The following EGFLAM variants were observed in gnomAD, a reference collection of about 807,000 sequenced individuals.
EGFLAM encodes the protein pikachurin.
EGFLAM carries 79 observed loss-of-function variants against 113.1 expected under a neutral mutation model. The ratio of observed to expected loss-of-function variants is 0.70; its 90% CI spans 0.58 to 0.84. The LOEUF (loss-of-function observed/expected upper bound fraction) is 0.84. Ranked by LOEUF, EGFLAM falls within the 40% of genes least tolerant of loss-of-function variation. The probability of loss-of-function intolerance (pLI) is 0.00; values close to 1 mark genes in which losing one functional copy is unlikely to be tolerated. For missense variants in EGFLAM, 1,265 were observed against 1,291.6 expected, an observed-to-expected ratio of 0.98 and a Z score of 0.32; for synonymous variants, 504 against 487.6, an observed-to-expected ratio of 1.03 and a Z score of -0.44.
intron 6 of EGFLAM, among the ~76,000 whole-genome samples, chr5:38,404,709 C>T (rs1349264340): frequency 6.6e-6 from 1 of 152,170 alleles, no homozygotes; most frequent in African/African-American, 2.4e-5. Context: ...TGGCAGCATC[C>T]TACCAAAGCC....
chr5:38,301,880 A>C (rs1285715164), intron 1 of EGFLAM, among the ~76,000 whole-genome samples: 1 of 152,140 alleles, frequency 6.6e-6, no homozygotes, highest in Non-Finnish European at 1.5e-5. Context: ...CCTGGTATGA[A>C]GTTGGCATCA....
intron 1 of EGFLAM, among the ~76,000 whole-genome samples, chr5:38,329,793 C>T (rs951050682): frequency 1.1e-4 from 16 of 152,176 alleles, no homozygotes; most frequent in Non-Finnish European, 1.6e-4. Context: ...CACTAAAGTG[C>T]TCCAACTTTC....
chr5:38,461,191 A>T (rs1743259977), intron 20 of EGFLAM: 2 of 152,204 alleles, frequency 1.3e-5, no homozygotes, highest in African/African-American at 4.8e-5. Flanking sequence ...ATCTTAGGTG[A>T]GGATGCTGAA....
rs200029455 is a variant in EGFLAM, at chr5:38,452,002, A to AG, written c.2687+544_2687+545insG. ...GCAAGACTCCATCTCAAAAAAAAAA[A>AG]AAAAAAAAAGAGTACAGCAGTATTC... On this transcript the variant is annotated intron_variant, in intron 19 of 21. Transcript: ENST00000322350. Among the ~76,000 whole-genome samples the AG allele has an allele frequency of 1.5e-3, 221 of 151,208 alleles. 6 individuals are homozygous for AG. In the East Asian group the frequency reaches 0.038, roughly 26 times the overall value.
At chr5:38,426,358 G>A (rs1742009770) in intron 13 of EGFLAM, among the ~76,000 whole-genome samples, 1 of 151,880 alleles carries the variant, frequency 6.6e-6, no homozygotes, top group South Asian at 2.1e-4. Flanking sequence ...AATCATGGAG[G>A]GTTCCAAAAG....
At chr5:38,372,025 C>T (rs539227546) in intron 6 of EGFLAM, among the ~76,000 whole-genome samples, 18 of 152,178 alleles carry the variant, frequency 1.2e-4, no homozygotes, top group Admixed American at 2.6e-4. Context: ...TTCCCTTCTC[C>T]GTAGAGTCAA....
At chr5:38,314,687 A>T (rs573995868) in intron 1 of EGFLAM, among the ~76,000 whole-genome samples, 1 of 152,264 alleles carries the variant, frequency 6.6e-6, no homozygotes, top group Admixed American at 6.5e-5. Flanking sequence ...CGCCCACCCA[A>T]AAGACATGGT....
chr5:38,462,134 A>G (rs1743301566), intron 20 of EGFLAM, among the ~76,000 whole-genome samples: 1 of 152,146 alleles, frequency 6.6e-6, no homozygotes, highest in South Asian at 2.1e-4. Flanking sequence ...GCGCCACTGC[A>G]CTCCAGCCTG....
rs779499958 is a variant in EGFLAM at position 38,418,182 on chromosome 5, G to A, written c.1611G>A (p.Ser537=). The change falls in exon 12 of 22, where the codon TCG becomes TCA. Residue 537 remains serine (S), a synonymous_variant. Coordinates refer to ENST00000322350, the MANE Select transcript of EGFLAM (RefSeq NM_152403.4). ...TNRGFQGCVQ[S]LAVNGRRIDM... ...GAGGCTTTCAAGGCTGTGTGCAGTC[G>A]CTCGCTGTGAATGGGAGGAGAATTG... The A allele has an allele frequency of 4.3e-5, 69 of 1,614,040 alleles. No homozygotes were observed. Among genetic ancestry groups the A allele is most frequent in the South Asian group, 7.7e-5 (7 of 91,084 alleles).
At chr5:38,345,084 C>G (rs1739440900) in intron 3 of EGFLAM, among the ~76,000 whole-genome samples, 1 of 152,126 alleles carries the variant, frequency 6.6e-6, no homozygotes, top group Non-Finnish European at 1.5e-5. Flanking sequence ...CATTTCAGAA[C>G]TAGTTAGTGA....
rs528320485 is a variant in EGFLAM at position 38,445,761 on chromosome 5, C to G, written c.2465-2540C>G. 229 of 1,561,022 alleles carry G rather than the reference C, an allele frequency of 1.5e-4. 1 individual carries two copies. The African/African-American group carries it at 2.9e-3, about 20-fold the overall frequency. ...AGCGCTCTGGGCTGGGGCAGGCCAA[C>G]CGCATGCAGGGGGACCCGGGGTGAG... is the stretch of plus-strand genomic sequence containing the variant. On this transcript the variant is annotated intron_variant, in intron 17 of 21. Transcript: ENST00000322350.
At chr5:38,322,122 T>C (rs1331307085) in intron 1 of EGFLAM, among the ~76,000 whole-genome samples, 1 of 152,154 alleles carries the variant, frequency 6.6e-6, no homozygotes, top group African/African-American at 2.4e-5. Context: ...AGGATGTTCA[T>C]ATGCACACGC....
intron 17 of EGFLAM, among the ~76,000 whole-genome samples, chr5:38,438,831 T>TAACAA (rs1742442728): frequency 6.6e-6 from 1 of 152,208 alleles, no homozygotes; most frequent in Non-Finnish European, 1.5e-5. Context: ...CTATGCTTTG[T>TAACAA]AGACTGATAA....
At chr5:38,403,964 G>C in intron 6 of EGFLAM, 2 of 1,611,404 alleles carry the variant, frequency 1.2e-6, no homozygotes, top group South Asian at 1.1e-5. Context: ...TGGGGAATTG[G>C]TGTGGAAGGG....
chr5:38,388,952 G>C (rs551444176), intron 6 of EGFLAM, among the ~76,000 whole-genome samples: 20 of 150,736 alleles, frequency 1.3e-4, no homozygotes, highest in African/African-American at 4.4e-4. Context: ...ATGCAAATGA[G>C]TTTTTCAGTG....
At chr5:38,278,645 C>T (rs553790432) in intron 1 of EGFLAM, among the ~76,000 whole-genome samples, 2 of 152,170 alleles carry the variant, frequency 1.3e-5, no homozygotes, top group East Asian at 3.9e-4. Context: ...CATACCACCA[C>T]ACCTGGCTAA....
chr5:38,441,172 A>G (rs575028814), intron 17 of EGFLAM, among the ~76,000 whole-genome samples: 2 of 152,316 alleles, frequency 1.3e-5, no homozygotes, highest in South Asian at 4.1e-4. Flanking sequence ...TTCCTGTAGC[A>G]GTGGCCACTG....
intron 5 of EGFLAM, among the ~76,000 whole-genome samples, chr5:38,366,756 A>T (rs116647825): frequency 0.011 from 1,645 of 152,308 alleles, 11 homozygotes; most frequent in Non-Finnish European, 0.017. Flanking sequence ...ATCTTTGAGA[A>T]TCTAATAAAA....
chr5:38,425,515 G>A (rs1299691789), intron 13 of EGFLAM, among the ~76,000 whole-genome samples: 2 of 152,202 alleles, frequency 1.3e-5, no homozygotes, highest in East Asian at 3.9e-4. Flanking sequence ...ACATTTTTAT[G>A]GGATCAACAT....
Sources: gnomAD v4.1 joint callset for allele counts (sites outside exome capture counted in the v4.1 genomes callset) on GRCh38, gnomAD v4.1.1 for gene constraint, MANE v1.5 for transcripts, NCBI Gene and HGNC (gene_info 2026-07-23, HGNC 2026-07-21) for gene names.